The following ATP2B2 variants were observed in gnomAD, a reference collection of about 807,000 sequenced individuals.
ATP2B2 encodes the protein ATPase plasma membrane Ca2+ transporting 2, also known as plasma membrane calcium-transporting ATPase 2.
Under a neutral mutation model 120.0 loss-of-function variants are expected in ATP2B2, and 15 were observed. That is an observed-to-expected ratio of 0.12 (90% confidence interval 0.08 to 0.19). The LOEUF is 0.19. Among genes scored for constraint, ATP2B2 ranks in the 10% least tolerant of loss-of-function variants. The probability of loss-of-function intolerance (pLI) is 1.00; values close to 1 mark genes in which losing one functional copy is unlikely to be tolerated. For missense variants in ATP2B2, 1,045 were observed against 1,719.8 expected, an observed-to-expected ratio of 0.61 and a Z score of 6.94; for synonymous variants, 694 against 700.3, an observed-to-expected ratio of 0.99 and a Z score of 0.14.
At chr3:10,616,495 C>A (rs2069390587) in intron 2 of ATP2B2, among the ~76,000 whole-genome samples, 1 of 152,122 alleles carries the variant, frequency 6.6e-6, no homozygotes, top group African/African-American at 2.4e-5. Flanking sequence ...TTATGGCAGC[C>A]CTAACATGAA....
chr3:10,375,358 G>T lies in ATP2B2; in HGVS notation c.1416+72C>A. The T allele has an allele frequency of 7.4e-7, 1 of 1,357,712 alleles. No homozygotes were observed. Among genetic ancestry groups the T allele is most frequent in the Non-Finnish European group, 1.0e-6 (1 of 959,126 alleles). The allele number at this position is 1,357,712 out of a possible 1,614,324, so 84.1% of individuals were successfully genotyped here. A position where few individuals can be genotyped will look rare whatever the true frequency, so the allele number is the denominator to read the frequency against. On this transcript the variant is annotated intron_variant, in intron 11 of 22. Coordinates refer to ENST00000360273, the MANE Select transcript of ATP2B2 (RefSeq NM_001001331.4). The surrounding 1 kb of genome is among the most constrained non-coding windows in gnomAD (Gnocchi z 4.2). ...CGTTCATCTCCCAACCCCAGCACCA[G>T]CCCCAGTGATTCCCCCAGGCCCTCA...
intron 8 of ATP2B2, among the ~76,000 whole-genome samples, chr3:10,384,450 C>T (rs2124835816): frequency 6.6e-6 from 1 of 152,286 alleles, no homozygotes. Flanking sequence ...GGGGTGGTAT[C>T]TGAGTAAACA....
intron 1 of ATP2B2, among the ~76,000 whole-genome samples, chr3:10,627,091 T>C (rs2069724949): frequency 6.6e-6 from 1 of 152,192 alleles, no homozygotes. Flanking sequence ...AGTCAACTAA[T>C]TCTCACCCTC....
chr3:10,517,076 C>A (rs1368489544), intron 3 of ATP2B2, among the ~76,000 whole-genome samples: 1 of 152,118 alleles, frequency 6.6e-6, no homozygotes, highest in East Asian at 1.9e-4. Context: ...AATAACAAAA[C>A]GACAAAGGTC....
intron 9 of ATP2B2, 121 bp from the exon 10 acceptor site, chr3:10,378,531 T>A: frequency 7.5e-7 from 1 of 1,339,062 alleles, no homozygotes; most frequent in Non-Finnish European, 1.0e-6. Context: ...GCTGACTGCC[T>A]GGACTGAGCC....
intron 3 of ATP2B2, among the ~76,000 whole-genome samples, chr3:10,517,484 A>G (rs998763208): frequency 1.1e-4 from 17 of 152,200 alleles, no homozygotes; most frequent in African/African-American, 3.9e-4. Context: ...TACATGCTCC[A>G]TTCTTTTTTC....
intron 1 of ATP2B2, among the ~76,000 whole-genome samples, chr3:10,655,112 C>A (rs900683340): frequency 6.6e-6 from 1 of 152,182 alleles, no homozygotes; most frequent in African/African-American, 2.4e-5. Context: ...ACATGAATAA[C>A]CAGCTTGCGC....
chr3:10,385,253 C>A lies in ATP2B2; in HGVS notation c.1000+15G>T. 1 of 1,612,702 alleles carries A rather than the reference C, an allele frequency of 6.2e-7. No homozygotes were observed. Among genetic ancestry groups the A allele is most frequent in the Non-Finnish European group, 8.5e-7 (1 of 1,179,482 alleles). ...CCATCCAACCATGACCAGGAGCTCG[C>A]CGTGGGAGACATACCATTGACTAGG... On this transcript the variant is annotated intron_variant, in intron 8 of 22. Coordinates refer to ENST00000360273, the MANE Select transcript of ATP2B2 (RefSeq NM_001001331.4).
chr3:10,397,628 G>C (rs891042529), intron 5 of ATP2B2, among the ~76,000 whole-genome samples: 2 of 152,172 alleles, frequency 1.3e-5, no homozygotes, highest in South Asian at 2.1e-4. Flanking sequence ...AGACTGGGAA[G>C]AGAGGACAGC....
At chr3:10,462,930 G>T (rs2064559485) in intron 1 of ATP2B2, among the ~76,000 whole-genome samples, 6 of 152,194 alleles carry the variant, frequency 3.9e-5, no homozygotes, top group South Asian at 2.1e-4. Context: ...CCCAGTGTTG[G>T]GTCCCACTGA....
rs757156142 is a variant in ATP2B2, at chr3:10,378,245, C to T, written c.1201+7G>A. On this transcript the variant is annotated splice_region_variant and intron_variant, in intron 10 of 22. Transcript: ENST00000360273. ...CCTGTCCCCTGCCTCCCACCTGCTG[C>T]ACTCACCCGCCTTCCCGATCTGCAC... 1 of 1,605,058 alleles carries T rather than the reference C, an allele frequency of 6.2e-7. No homozygotes were observed. Among genetic ancestry groups the T allele is most frequent in the Non-Finnish European group, 8.5e-7 (1 of 1,179,886 alleles).
At chr3:10,652,223 A>T (rs1437532176) in intron 1 of ATP2B2, among the ~76,000 whole-genome samples, 1 of 152,116 alleles carries the variant, frequency 6.6e-6, no homozygotes, top group African/African-American at 2.4e-5. Flanking sequence ...CGTGGCCCAG[A>T]GGGAGTCCCT....
intron 1 of ATP2B2, among the ~76,000 whole-genome samples, chr3:10,629,883 A>G (rs1162286445): frequency 1.3e-5 from 2 of 152,258 alleles, no homozygotes; most frequent in African/African-American, 2.4e-5. Context: ...CCACATGGGT[A>G]TCGATGCTGT....
At chr3:10,558,361 T>C (rs186768223) in intron 2 of ATP2B2, among the ~76,000 whole-genome samples, 3 of 152,286 alleles carry the variant, frequency 2.0e-5, no homozygotes, top group Non-Finnish European at 4.4e-5. Flanking sequence ...AGCCCTAAGA[T>C]CATTGCTAGG....
At chr3:10,511,354 C>T (rs1230185494) in intron 3 of ATP2B2, among the ~76,000 whole-genome samples, 1 of 152,134 alleles carries the variant, frequency 6.6e-6, no homozygotes, top group East Asian at 1.9e-4. Flanking sequence ...GGGGTACTCC[C>T]CAGGGACAGG....
intron 1 of ATP2B2, among the ~76,000 whole-genome samples, chr3:10,454,087 T>G (rs1455194433): frequency 6.7e-6 from 1 of 150,338 alleles, no homozygotes; most frequent in Non-Finnish European, 1.5e-5. Context: ...ATCCATTCAA[T>G]GATTGTGTTT....
chr3:10,391,750 C>T (rs759632572), intron 5 of ATP2B2, among the ~76,000 whole-genome samples: 2 of 152,224 alleles, frequency 1.3e-5, no homozygotes, highest in African/African-American at 2.4e-5. Context: ...CAAGCCTCTG[C>T]TCTTACCTGT....
chr3:10,457,064 G>T (rs2064290296), intron 1 of ATP2B2, among the ~76,000 whole-genome samples: 1 of 152,184 alleles, frequency 6.6e-6, no homozygotes. Context: ...GGTGAGTGTG[G>T]ATGTAAGCAG....
chr3:10,548,702 G>A (rs76556149), intron 2 of ATP2B2, among the ~76,000 whole-genome samples: 3,050 of 152,174 alleles, frequency 0.02, 52 homozygotes, highest in Admixed American at 0.04. Flanking sequence ...GCATTCCCAC[G>A]CCTCACAAAT....
Sources: allele counts gnomAD v4.1 joint callset (sites outside exome capture counted in the v4.1 genomes callset), GRCh38; gene constraint gnomAD v4.1.1; non-coding constraint Gnocchi (gnomAD v3.1); transcripts MANE v1.5; gene names NCBI Gene and HGNC (gene_info 2026-07-23, HGNC 2026-07-21).